The following JAM2 variants were observed in gnomAD, a reference collection of about 807,000 sequenced individuals.
JAM2 encodes the protein junctional adhesion molecule 2, also known as junctional adhesion molecule B.
Under a neutral mutation model 42.0 loss-of-function variants are expected in JAM2, and 17 were observed. The ratio of observed to expected loss-of-function variants is 0.40; its 90% confidence interval spans 0.28 to 0.61. The LOEUF is 0.61. Among genes scored for constraint, JAM2 ranks in the 20% least tolerant of loss-of-function variants. The pLI, the probability that JAM2 is intolerant of heterozygous loss-of-function variation, is 0.37. For missense variants in JAM2, 319 were observed against 358.3 expected, an observed-to-expected ratio of 0.89 and a Z score of 0.89; for synonymous variants, 118 against 128.6, an observed-to-expected ratio of 0.92 and a Z score of 0.56.
chr21:25,677,755 T>C (rs922228719), intron 1 of JAM2, among the ~76,000 whole-genome samples: 3 of 152,222 alleles, frequency 2.0e-5, no homozygotes, highest in Admixed American at 1.3e-4. Flanking sequence ...AATTTGAGTC[T>C]TCATTGTTTT....
chr21:25,711,054 C>T lies in JAM2; in HGVS notation c.822-1286C>T, dbSNP rs550152128. On this transcript the variant is annotated intron_variant, in intron 8 of 9. Coordinates refer to ENST00000480456, the MANE Select transcript of JAM2 (RefSeq NM_021219.4). ...TGGGCTGTGAGAGAAGCAGAGAAAT[C>T]GAAGATGGCTTCAAGGTTATGAGAA... Among the ~76,000 whole-genome samples, 4 of 152,136 alleles carry T rather than the reference C, an allele frequency of 2.6e-5. No homozygotes were observed. In the South Asian group the frequency reaches 6.2e-4, roughly 24 times the overall value.
intron 1 of JAM2, among the ~76,000 whole-genome samples, chr21:25,665,309 C>A (rs2033190179): frequency 6.6e-6 from 1 of 152,190 alleles, no homozygotes. Context: ...TGTTTTAGAT[C>A]AGCATTCTCA....
At chr21:25,668,144 A>C (rs539787544) in intron 1 of JAM2, among the ~76,000 whole-genome samples, 2 of 152,306 alleles carry the variant, frequency 1.3e-5, no homozygotes, top group East Asian at 3.9e-4. Context: ...CCTGGAGCAG[A>C]GGGAGGGAAG....
intron 8 of JAM2, chr21:25,710,296 A>C (rs1054634669): frequency 1.6e-4 from 25 of 152,360 alleles, no homozygotes; most frequent in African/African-American, 5.5e-4. Flanking sequence ...GAATGGGGAT[A>C]CAGCAGTGAA....
chr21:25,700,493 T>C (rs1410841865), intron 5 of JAM2, among the ~76,000 whole-genome samples: 2 of 152,184 alleles, frequency 1.3e-5, no homozygotes, highest in African/African-American at 4.8e-5. Context: ...CCAGAGTAGC[T>C]GGGACTACAG....
intron 4 of JAM2, among the ~76,000 whole-genome samples, chr21:25,695,590 G>A (rs936810657): frequency 1.3e-5 from 2 of 150,850 alleles, no homozygotes; most frequent in Admixed American, 6.6e-5. Context: ...ACGGGGCGGC[G>A]GCCGGGCAGA....
At chr21:25,674,975 T>G (rs951269714) in intron 1 of JAM2, among the ~76,000 whole-genome samples, 31 of 152,098 alleles carry the variant, frequency 2.0e-4, no homozygotes, top group African/African-American at 7.2e-4. Context: ...GTTCTCCCAC[T>G]GCTATAAATA....
intron 1 of JAM2, among the ~76,000 whole-genome samples, chr21:25,653,719 A>G (rs2032845511): frequency 6.6e-6 from 1 of 152,098 alleles, no homozygotes; most frequent in Non-Finnish European, 1.5e-5. Flanking sequence ...CGTGGGGATG[A>G]TGGGGATTAT....
At chr21:25,684,674 G>A (rs1355527132) in intron 2 of JAM2, among the ~76,000 whole-genome samples, 2 of 151,816 alleles carry the variant, frequency 1.3e-5, no homozygotes, top group Non-Finnish European at 2.9e-5. Flanking sequence ...GCATGATCTC[G>A]GCTCACCGCA....
intron 7 of JAM2, among the ~76,000 whole-genome samples, chr21:25,707,174 C>A (rs901036047): frequency 7.9e-5 from 12 of 152,086 alleles, no homozygotes; most frequent in Non-Finnish European, 1.3e-4. Flanking sequence ...AAATTTAGGA[C>A]AACTGTATTT....
intron 1 of JAM2, among the ~76,000 whole-genome samples, chr21:25,661,900 A>C (rs767689979): frequency 1.3e-4 from 20 of 151,950 alleles, no homozygotes; most frequent in Admixed American, 1.0e-3. Flanking sequence ...AAAAAATTTA[A>C]ATGGGAGAAA....
chr21:25,682,857 C>T (rs972001036), intron 1 of JAM2, among the ~76,000 whole-genome samples: 1 of 150,750 alleles, frequency 6.6e-6, no homozygotes, highest in East Asian at 2.0e-4. Context: ...ATCCAGAGGC[C>T]GAATACTTCT....
Position 25,698,870 on chromosome 21 carries a change from T to C in JAM2, c.588T>C (p.Thr196=). 6.2e-7 allele frequency: 1 copy of C among 1,613,860 alleles called. No individual in the cohort carries two copies. Among genetic ancestry groups the C allele is most frequent in the Non-Finnish European group, 8.5e-7 (1 of 1,179,788 alleles). The change falls in exon 5 of 10, where the codon ACT becomes ACC. Residue 196 remains threonine (T), a synonymous_variant. Transcript: ENST00000480456. ...TNSSYTMNTK[T]GTLQFNTVSK... ...GCTCATACACAATGAATACAAAAACTGGAACTCTGGTAAGGTCATTTCAAG... is the reference window on the plus strand; with the variant it reads ...GCTCATACACAATGAATACAAAAACCGGAACTCTGGTAAGGTCATTTCAAG...
chr21:25,654,647 C>CAAA (rs34222589), intron 1 of JAM2, among the ~76,000 whole-genome samples: 106 of 91,522 alleles, frequency 1.2e-3, no homozygotes, highest in African/African-American at 2.0e-3. Flanking sequence ...GACTTTCTCT[C>CAAA]AAAAAAAAAA....
intron 1 of JAM2, among the ~76,000 whole-genome samples, chr21:25,653,656 A>T (rs1225613970): frequency 6.6e-6 from 1 of 152,188 alleles, no homozygotes; most frequent in African/African-American, 2.4e-5. Flanking sequence ...TGAGAACAGC[A>T]TGAGAGAAAC....
At chr21:25,706,235 G>T (rs2034268979) in intron 7 of JAM2, 149 bp downstream of exon 7, 1 of 592,614 alleles carries the variant, frequency 1.7e-6, no homozygotes, top group East Asian at 3.0e-5. Flanking sequence ...CTGGAGTGCA[G>T]TGGTGGCAAA....
At chr21:25,664,145 C>T (rs1332975415) in intron 1 of JAM2, among the ~76,000 whole-genome samples, 1 of 152,194 alleles carries the variant, frequency 6.6e-6, no homozygotes, top group Non-Finnish European at 1.5e-5. Flanking sequence ...TTGCCTGTTT[C>T]CCATGCCATT....
Position 25,698,807 on chromosome 21 carries a change from G to T in JAM2, c.525G>T (p.Leu175Phe), listed in dbSNP as rs2123399072. 6.2e-7 allele frequency: 1 copy of T among 1,614,200 alleles called. No homozygotes were observed. The highest frequency in any genetic ancestry group is 2.2e-5 in the East Asian group (1 of 44,884). Residue 175 changes from leucine (L) to phenylalanine (F), a missense_variant, in exon 5 of 10, where the codon TTG (leucine) becomes TTT (phenylalanine). Transcript: ENST00000480456. The part of the protein sequence containing the change: ...EYTWFKDGIR[L>F]LENPRLGSQS... ...CATGGTTTAAGGATGGCATCCGTTT[G>T]CTAGAAAATCCCAGACTTGGCTCCC...
intron 2 of JAM2, among the ~76,000 whole-genome samples, chr21:25,686,931 T>C (rs1252187227): frequency 6.6e-6 from 1 of 152,216 alleles, no homozygotes; most frequent in African/African-American, 2.4e-5. Context: ...TTCTCTTTTC[T>C]TGATCTAAAG....
Sources: allele counts gnomAD v4.1 joint callset (sites outside exome capture counted in the v4.1 genomes callset), GRCh38; gene constraint gnomAD v4.1.1; transcripts MANE v1.5; gene names NCBI Gene and HGNC (gene_info 2026-07-23, HGNC 2026-07-21).